Variants in MINK1 observed in about 807,000 individuals in gnomAD.
MINK1 encodes the protein misshapen like kinase 1, also known as misshapen-like kinase 1.
MINK1 carries 46 observed loss-of-function variants against 178.4 expected under a neutral mutation model. That is an observed-to-expected ratio of 0.26 (90% CI 0.20 to 0.33). The LOEUF (loss-of-function observed/expected upper bound fraction) is 0.33, where lower values mean the gene tolerates loss of function less well. Ranked by LOEUF, MINK1 falls within the 10% of genes least tolerant of loss-of-function variation. MINK1 has a pLI of 1.00. For synonymous variants in MINK1, 797 were observed against 709.7 expected (o/e 1.12, Z -1.96); for missense variants, 1,366 against 1,814.9 (o/e 0.75, Z 4.49).
At chr17:4,841,144 C>T (rs932316022) in intron 1 of MINK1, among the ~76,000 whole-genome samples, 2 of 152,130 alleles carry the variant, frequency 1.3e-5, no homozygotes, top group Admixed American at 1.3e-4. Flanking sequence ...GGCCCCAGCA[C>T]TTAGAGCCTG....
intron 1 of MINK1, among the ~76,000 whole-genome samples, chr17:4,863,519 T>G (rs1308184217): frequency 6.6e-6 from 1 of 152,012 alleles, no homozygotes; most frequent in East Asian, 1.9e-4. Flanking sequence ...GGGGAGGAAA[T>G]GGTGGAAAAC....
At chr17:4,870,239 CTG>C (rs1915697822) in intron 1 of MINK1, among the ~76,000 whole-genome samples, 3 of 120,400 alleles carry the variant, frequency 2.5e-5, no homozygotes, top group African/African-American at 9.6e-5. Flanking sequence ...TTTTTTGAGA[CTG>C]TTTTATTTTT....
intron 1 of MINK1, among the ~76,000 whole-genome samples, chr17:4,843,363 A>T (rs1910534160): frequency 2.6e-5 from 4 of 152,108 alleles, no homozygotes; most frequent in Admixed American, 2.6e-4. Context: ...CTGTAATCCC[A>T]GCTACTGGGG....
At chr17:4,871,179 TAA>T (rs371906249) in intron 1 of MINK1, 2 of 204,434 alleles carry the variant, frequency 9.8e-6, no homozygotes, top group African/African-American at 2.4e-5. Context: ...TTGTTTGTTT[TAA>T]TTTTTTTTTT....
chr17:4,849,657 C>G (rs1007621985), intron 1 of MINK1, among the ~76,000 whole-genome samples: 1 of 152,176 alleles, frequency 6.6e-6, no homozygotes, highest in Non-Finnish European at 1.5e-5. Context: ...ATCGCAACCT[C>G]CATCTCCTGG....
chr17:4,842,630 A>G (rs749046485), intron 1 of MINK1, among the ~76,000 whole-genome samples: 5 of 152,194 alleles, frequency 3.3e-5, no homozygotes, highest in Non-Finnish European at 5.9e-5. Context: ...TTCAAGGCAC[A>G]TTTTTAAGAA....
rs995079292 is a variant in MINK1 at position 4,886,526 on chromosome 17, A to G, written c.849A>G (p.Leu283=). The change falls in exon 10 of 32, where the codon CTA becomes CTG. Residue 283 remains leucine, a synonymous_variant. Transcript: ENST00000355280. This position sits in a 1 kb window ranked among gnomAD's most constrained non-coding sequence, Gnocchi z 6.1. ...TYLSRPPTEQ[L]LKFPFIRDQP... ...TGAGCCGCCCACCCACGGAGCAGCTACTGAAGTTTCCCTTCATCCGGGACC... is the reference window on the plus strand; with the variant it reads ...TGAGCCGCCCACCCACGGAGCAGCTGCTGAAGTTTCCCTTCATCCGGGACC... 3.1e-6 allele frequency: 5 copies of G among 1,613,650 alleles called. No homozygotes were observed. The African/African-American group carries it at 6.7e-5, about 22-fold the overall frequency.
In MINK1 at chr17:4,834,685, T is replaced by A. The variant is rs888143624; in HGVS notation, c.57+1045T>A. On this transcript the variant is annotated intron_variant, in intron 1 of 31. Transcript: ENST00000355280. ...AACTTAGTGATTTCAAGGTGAACAC[T>A]CCAGACTATCAGCCAGGTGGTGTTT... The A allele has an allele frequency of 5.9e-6, 3 of 509,842 alleles. No homozygotes were observed. The Admixed American group carries it at 6.0e-5, about 10-fold the overall frequency. The allele number at this position is 509,842 out of a possible 1,614,324, so 31.6% of individuals were successfully genotyped here.
intron 1 of MINK1, chr17:4,861,693 G>A (rs1183504406): frequency 1.0e-5 from 3 of 297,758 alleles, no homozygotes; most frequent in Non-Finnish European, 1.4e-5. Flanking sequence ...TAGAGACAGA[G>A]TTTCACCATG....
In MINK1 at chr17:4,851,117, C is replaced by T. The variant is rs758216730; in HGVS notation, c.57+17477C>T. ...TGAACTGCCACACTTCACCCTAAAT[C>T]CCAGTAACGCCAACAGTTTTGGTAA... is the stretch of plus-strand genomic sequence containing the variant. On this transcript the variant is annotated intron_variant, in intron 1 of 31. Transcript: ENST00000355280. 119 of 431,172 alleles carry T rather than the reference C, an allele frequency of 2.8e-4. 1 individual carries two copies. The highest frequency in any genetic ancestry group is 4.3e-4 in the Admixed American group (17 of 39,958). 26.7% of individuals were successfully genotyped at this position (431,172 alleles called of 1,614,324 possible).
intron 21 of MINK1, 130 bp from the exon 22 acceptor site, chr17:4,893,858 C>T (rs1969134043): frequency 1.0e-5 from 9 of 885,628 alleles, no homozygotes; most frequent in Admixed American, 3.0e-5. Flanking sequence ...GCAGGGGCTA[C>T]ACCGTGAGGG....
intron 1 of MINK1, among the ~76,000 whole-genome samples, chr17:4,861,518 TG>T (rs1223304918): frequency 6.6e-6 from 1 of 152,152 alleles, no homozygotes; most frequent in Non-Finnish European, 1.5e-5. Context: ...TTTATTTTTT[TG>T]AGTTGGAGTC....
chr17:4,868,835 A>G, intron 1 of MINK1: 1 of 345,218 alleles, frequency 2.9e-6, no homozygotes, highest in Non-Finnish European at 6.0e-6. Flanking sequence ...ATGCAGCCTC[A>G]ACCTCCCAGG....
chr17:4,890,326 G>A (rs769110418), intron 13 of MINK1, 191 bp from the exon 14 acceptor site: 26 of 1,414,428 alleles, frequency 1.8e-5, no homozygotes, highest in South Asian at 9.2e-5. Flanking sequence ...GTCCCTCAGC[G>A]TCCTCTGGGA....
chr17:4,846,018 C>T (rs1910970283), intron 1 of MINK1, among the ~76,000 whole-genome samples: 1 of 152,182 alleles, frequency 6.6e-6, no homozygotes, highest in African/African-American at 2.4e-5. Context: ...TTGCTATTTA[C>T]AGTTTCTCAT....
At position 4,893,593 on chromosome 17, in the gene MINK1, G is replaced by A. The variant is rs1245105046; in HGVS notation, c.2560G>A (p.Gly854Ser). The part of the protein sequence containing the change: ...PAEGSRDTPG[G>S]RSDGDTDSVS... ...AGAGGGGAGCAGAGATACCCCTGGG[G>A]GCCGGTACGGCATCGGGAGTGGGGC... The change falls in exon 21 of 32, where the codon GGC (glycine) becomes AGC (serine). Residue 854 changes from glycine (G) to serine (S), a missense_variant. Around this residue, in one of 14 missense-constraint regions of MINK1, gnomAD observed 709 missense variants for 692.3 expected, o/e 1.02. Transcript: ENST00000355280. 2.0e-6 allele frequency: 3 copies of A among 1,533,674 alleles called. No individual in the cohort carries two copies. Among genetic ancestry groups the A allele is most frequent in the Non-Finnish European group, 2.6e-6 (3 of 1,137,416 alleles).
chr17:4,864,644 G>C (rs554370786), intron 1 of MINK1, among the ~76,000 whole-genome samples: 4 of 152,128 alleles, frequency 2.6e-5, no homozygotes, highest in Non-Finnish European at 5.9e-5. Context: ...AGAATCGCTT[G>C]AACCCGGGAG....
In MINK1 at chr17:4,887,015, G is replaced by A; in HGVS notation, c.950-95G>A. 7.4e-7 allele frequency: 1 copy of A among 1,351,990 alleles called. No homozygotes were observed. The highest frequency in any genetic ancestry group is 2.1e-5 in the Admixed American group (1 of 48,222). 83.7% of individuals were successfully genotyped at this position (1,351,990 alleles called of 1,614,324 possible). A position where few individuals can be genotyped will look rare whatever the true frequency, so the allele number is the denominator to read the frequency against. On this transcript the variant is annotated intron_variant, in intron 10 of 31. Coordinates refer to ENST00000355280, the MANE Select transcript of MINK1 (RefSeq NM_153827.5). This position sits in a 1 kb window ranked among gnomAD's most constrained non-coding sequence, Gnocchi z 7.6. Reference sequence around the variant, plus strand: ...GGGTGGGGCCCCTCATGCTTGCCCAGCCAGAGAGACCTGGTTATCCCCACC... The same window carrying A: ...GGGTGGGGCCCCTCATGCTTGCCCAACCAGAGAGACCTGGTTATCCCCACC...
At chr17:4,846,425 C>CT (rs928162187) in intron 1 of MINK1, among the ~76,000 whole-genome samples, 1 of 152,194 alleles carries the variant, frequency 6.6e-6, no homozygotes, top group Non-Finnish European at 1.5e-5. Flanking sequence ...CTAAAGCGTA[C>CT]TTTTTTCTTA....
Sources: allele counts gnomAD v4.1 joint callset (sites outside exome capture counted in the v4.1 genomes callset), GRCh38; gene constraint gnomAD v4.1.1; regional missense constraint gnomAD v4.1.1; non-coding constraint Gnocchi (gnomAD v3.1); transcripts MANE v1.5; gene names NCBI Gene and HGNC (gene_info 2026-07-23, HGNC 2026-07-21).